The following ZNRF1 variants were observed in gnomAD, a reference collection of about 807,000 sequenced individuals.
ZNRF1 encodes zinc and ring finger 1.
Under a neutral mutation model 18.4 loss-of-function variants are expected in ZNRF1, and 3 were observed. The ratio of observed to expected loss-of-function variants is 0.16; its 90% CI spans 0.07 to 0.42. The LOEUF (loss-of-function observed/expected upper bound fraction) is 0.42, where lower values mean the gene tolerates loss of function less well. ZNRF1 is among the 10% of genes least tolerant of loss of function. The pLI, the probability that ZNRF1 is intolerant of heterozygous loss-of-function variation, is 0.99. For missense variants in ZNRF1, 310 were observed against 329.8 expected (o/e 0.94, Z 0.47); for synonymous variants, 157 against 144.2 (o/e 1.09, Z -0.64).
In ZNRF1 at chr16:75,093,687, C is replaced by T. The variant is rs368321866; in HGVS notation, c.520+20C>T. The T allele has an allele frequency of 1.2e-6, 2 of 1,600,130 alleles. No homozygotes were observed. Among genetic ancestry groups the T allele is most frequent in the Non-Finnish European group, 8.6e-7 (1 of 1,167,586 alleles). ...ACAACGGTAAGGGCTTGGCCTGCCT[C>T]ACCAGCCTCCAGAGCATCCGTCGGG... On this transcript the variant is annotated intron_variant, in intron 2 of 4. Coordinates refer to ENST00000335325, the MANE Select transcript of ZNRF1 (RefSeq NM_032268.5).
chr16:75,007,448 A>C (rs2034937372), intron 1 of ZNRF1, among the ~76,000 whole-genome samples: 1 of 152,192 alleles, frequency 6.6e-6, no homozygotes, highest in African/African-American at 2.4e-5. Context: ...TCTTGAACAC[A>C]CAGCTTTCCT....
intron 1 of ZNRF1, among the ~76,000 whole-genome samples, chr16:75,090,599 T>TC (rs1462974226): frequency 2.0e-5 from 3 of 152,116 alleles, no homozygotes; most frequent in Non-Finnish European, 4.4e-5. Flanking sequence ...TCCACCAAAG[T>TC]CCTTGGATTG....
intron 2 of ZNRF1, chr16:75,095,802 GT>G (rs982707011): frequency 1.4e-6 from 2 of 1,430,696 alleles, no homozygotes; most frequent in African/African-American, 2.9e-5. Flanking sequence ...GCCACCATGT[GT>G]CCCCCTGTCC....
chr16:75,064,202 GAGTTGGGAGGATC>G (rs1216120996), intron 1 of ZNRF1, among the ~76,000 whole-genome samples: 1 of 152,120 alleles, frequency 6.6e-6, no homozygotes, highest in East Asian at 1.9e-4. Context: ...TTGAGAGGCT[GAGTTGGGAGGATC>G]AGTTGAGCCC....
Position 75,062,549 on chromosome 16 carries a change from A to G in ZNRF1, c.425-31023A>G, listed in dbSNP as rs892331744. Among the ~76,000 whole-genome samples the G allele has an allele frequency of 2.6e-5, 4 of 152,174 alleles. No individual in the cohort carries two copies. The East Asian group carries it at 5.8e-4, about 22-fold the overall frequency. On this transcript the variant is annotated intron_variant, in intron 1 of 4. Coordinates refer to ENST00000335325, the MANE Select transcript of ZNRF1 (RefSeq NM_032268.5). ...TGCCCCCGAGCTCCCTTTGTCATCT[A>G]TGTGTGTAGCAGGATCACCCGGGAG...
At chr16:75,025,141 C>G (rs1314966841) in intron 1 of ZNRF1, among the ~76,000 whole-genome samples, 1 of 152,156 alleles carries the variant, frequency 6.6e-6, no homozygotes, top group Non-Finnish European at 1.5e-5. Flanking sequence ...CATCTCGGCT[C>G]TCTGCAAGCT....
At chr16:75,025,078 T>A (rs1005860992) in intron 1 of ZNRF1, among the ~76,000 whole-genome samples, 16 of 152,126 alleles carry the variant, frequency 1.1e-4, no homozygotes, top group East Asian at 1.9e-4. Context: ...TTAATTAATT[T>A]ATTTTTTGAG....
intron 1 of ZNRF1, among the ~76,000 whole-genome samples, chr16:75,019,724 T>TTTTG (rs1251950421): frequency 5.3e-5 from 8 of 152,222 alleles, no homozygotes; most frequent in South Asian, 2.1e-4. Flanking sequence ...TTCTGTTTTG[T>TTTTG]TTTGTTTGTT....
intron 1 of ZNRF1, among the ~76,000 whole-genome samples, chr16:75,001,878 T>A (rs992593412): frequency 6.6e-5 from 10 of 152,202 alleles, no homozygotes; most frequent in African/African-American, 2.2e-4. Context: ...TGTGAAACCT[T>A]ATTTTTTTTC....
chr16:75,078,665 G>A (rs2035973151), intron 1 of ZNRF1, among the ~76,000 whole-genome samples: 1 of 152,200 alleles, frequency 6.6e-6, no homozygotes, highest in African/African-American at 2.4e-5. Context: ...GGAAGTTGAA[G>A]TGCTGACTTG....
intron 2 of ZNRF1, 21 bp from the exon 3 acceptor site, chr16:75,104,763 T>C (rs755418926): frequency 1.9e-6 from 3 of 1,578,484 alleles, no homozygotes; most frequent in Admixed American, 3.7e-5. Flanking sequence ...CCTCCTGCAC[T>C]CTCCCCTGTC....
At chr16:75,036,938 G>C (rs1378155419) in intron 1 of ZNRF1, among the ~76,000 whole-genome samples, 1 of 152,206 alleles carries the variant, frequency 6.6e-6, no homozygotes, top group African/African-American at 2.4e-5. Flanking sequence ...GTTGATTTGG[G>C]AGAGAAGAGA....
chr16:75,028,602 C>CTAG (rs2035256465), intron 1 of ZNRF1, among the ~76,000 whole-genome samples: 1 of 152,212 alleles, frequency 6.6e-6, no homozygotes, highest in African/African-American at 2.4e-5. Context: ...GCCCCTGCTA[C>CTAG]TTCTTTTAAG....
rs1451862983 is a variant in ZNRF1 at position 74,999,489 on chromosome 16, C to A, written c.-183C>A. ...TTCTGAGTTTGGGATCCCCGCCCGC[C>A]CGCCTGCCTCTTCCGCCCCGCGGGT... On this transcript the variant is annotated 5_prime_UTR_variant, in exon 1 of 5. Transcript: ENST00000335325. 2.5e-5 allele frequency: 11 copies of A among 433,978 alleles called. No individual in the cohort carries two copies. The East Asian group carries it at 3.9e-4, about 15-fold the overall frequency. 26.9% of individuals were successfully genotyped at this position (433,978 alleles called of 1,614,324 possible). A position where few individuals can be genotyped will look rare whatever the true frequency, so the allele number is the denominator to read the frequency against.
intron 2 of ZNRF1, among the ~76,000 whole-genome samples, chr16:75,100,854 C>A (rs1421001677): frequency 6.6e-6 from 1 of 152,222 alleles, no homozygotes; most frequent in Non-Finnish European, 1.5e-5. Flanking sequence ...TCTGCCCTCA[C>A]TAAGCTATGC....
At chr16:75,087,065 A>C (rs1437287167) in intron 1 of ZNRF1, among the ~76,000 whole-genome samples, 1 of 152,192 alleles carries the variant, frequency 6.6e-6, no homozygotes, top group African/African-American at 2.4e-5. Flanking sequence ...TGAGAAGTGC[A>C]TTGGTCTCCA....
intron 1 of ZNRF1, among the ~76,000 whole-genome samples, chr16:75,061,319 C>G (rs1469127416): frequency 6.6e-6 from 1 of 151,996 alleles, no homozygotes; most frequent in Non-Finnish European, 1.5e-5. Flanking sequence ...CCCTTCCCAA[C>G]CTCTGGTAAC....
chr16:75,092,762 A>G (rs943018215), intron 1 of ZNRF1, among the ~76,000 whole-genome samples: 1 of 152,196 alleles, frequency 6.6e-6, no homozygotes, highest in Admixed American at 6.5e-5. Context: ...AAGGAGGCAG[A>G]GGGGGCTGTG....
chr16:75,104,945 C>G, intron 3 of ZNRF1, 56 bp downstream of exon 3: 1 of 1,401,990 alleles, frequency 7.1e-7, no homozygotes, highest in Admixed American at 2.0e-5. Flanking sequence ...GGGGCGGACC[C>G]CCATCTCCAG....
Sources: allele counts gnomAD v4.1 joint callset (sites outside exome capture counted in the v4.1 genomes callset), GRCh38; gene constraint gnomAD v4.1.1; transcripts MANE v1.5; gene names NCBI Gene and HGNC (gene_info 2026-07-23, HGNC 2026-07-21).